SUMF1: variants seen among roughly 807,000 people sequenced by gnomAD.
SUMF1 encodes the protein formylglycine-generating enzyme.
SUMF1 carries 48 observed loss-of-function variants against 47.6 expected under a neutral mutation model. The observed-to-expected ratio is 1.01, with a 90% CI of 0.80 to 1.28. The LOEUF (loss-of-function observed/expected upper bound fraction) is 1.28. Among genes scored for constraint, SUMF1 ranks in the 50% most tolerant of loss-of-function variants. SUMF1 has a pLI of 0.00. For synonymous variants in SUMF1, 230 were observed against 192.1 expected (o/e 1.20, Z -1.63); for missense variants, 571 against 485.4 (o/e 1.18, Z -1.66).
At chr3:4,194,539 G>A (rs1430439092) in intron 8 of SUMF1, among the ~76,000 whole-genome samples, 2 of 152,146 alleles carry the variant, frequency 1.3e-5, no homozygotes, top group Non-Finnish European at 2.9e-5. Flanking sequence ...TACAGATATG[G>A]ATAAGGCTTT....
intron 8 of SUMF1, among the ~76,000 whole-genome samples, chr3:4,321,697 C>G (rs1477995637): frequency 1.3e-5 from 2 of 152,060 alleles, no homozygotes; most frequent in African/African-American, 4.8e-5. Context: ...AAAGACAAAT[C>G]TAACTTTGCA....
At chr3:4,298,881 C>G (rs1697910588) in intron 8 of SUMF1, among the ~76,000 whole-genome samples, 2 of 152,308 alleles carry the variant, frequency 1.3e-5, no homozygotes, top group South Asian at 4.1e-4. Flanking sequence ...TCCAGCCAAT[C>G]TGAAATTACT....
chr3:4,358,489 G>A (rs918578261), downstream of SUMF1, among the ~76,000 whole-genome samples: 7 of 152,198 alleles, frequency 4.6e-5, no homozygotes, highest in Admixed American at 6.5e-5. Flanking sequence ...ACAGAGAATG[G>A]AGGACAGTAG....
At chr3:4,101,284 A>G (rs1693026828) in intron 8 of SUMF1, among the ~76,000 whole-genome samples, 1 of 152,176 alleles carries the variant, frequency 6.6e-6, no homozygotes, top group Non-Finnish European at 1.5e-5. Flanking sequence ...TGTGGTATAT[A>G]CACACAATGG....
intron 8 of SUMF1, among the ~76,000 whole-genome samples, chr3:4,215,040 C>A (rs1287618243): frequency 6.6e-6 from 1 of 152,150 alleles, no homozygotes; most frequent in African/African-American, 2.4e-5. Context: ...CTCCCTAACT[C>A]ATTTTATGAG....
chr3:4,093,384 A>G (rs1692830287), intron 8 of SUMF1, among the ~76,000 whole-genome samples: 1 of 152,116 alleles, frequency 6.6e-6, no homozygotes, highest in Non-Finnish European at 1.5e-5. Context: ...CTGAAGACCA[A>G]CTGACAAATC....
intron 6 of SUMF1, among the ~76,000 whole-genome samples, chr3:4,416,216 G>T (rs1254414591): frequency 2.6e-5 from 4 of 151,894 alleles, no homozygotes; most frequent in Non-Finnish European, 5.9e-5. Context: ...TCTAGACTTT[G>T]AATTATTTCA....
intron 8 of SUMF1, among the ~76,000 whole-genome samples, chr3:4,082,452 G>C (rs1301471679): frequency 2.0e-5 from 3 of 152,036 alleles, no homozygotes; most frequent in African/African-American, 7.2e-5. Flanking sequence ...CTGGGCAACA[G>C]AGTGAGACCC....
At chr3:4,064,263 G>A (rs1695331734) in intron 9 of SUMF1, among the ~76,000 whole-genome samples, 1 of 109,868 alleles carries the variant, frequency 9.1e-6, no homozygotes, top group Non-Finnish European at 2.2e-5. Context: ...TGGCAATGAA[G>A]TGACCACTGA....
At chr3:4,375,284 A>T (rs1700293192) in intron 8 of SUMF1, among the ~76,000 whole-genome samples, 1 of 152,222 alleles carries the variant, frequency 6.6e-6, no homozygotes, top group African/African-American at 2.4e-5. Context: ...TACAGAAGAT[A>T]CACATACATA....
At chr3:4,279,743 G>A (rs1233863820) in intron 8 of SUMF1, among the ~76,000 whole-genome samples, 1 of 152,110 alleles carries the variant, frequency 6.6e-6, no homozygotes, top group Admixed American at 6.6e-5. Context: ...CAGCAGGCTG[G>A]AAGATAATTT....
At chr3:4,422,507 A>C (rs77883867) in intron 3 of SUMF1, among the ~76,000 whole-genome samples, 1 of 151,984 alleles carries the variant, frequency 6.6e-6, no homozygotes, top group Non-Finnish European at 1.5e-5. Flanking sequence ...AAAAAAAAAA[A>C]CATGATTTGT....
rs574872207 is a variant in SUMF1 at position 4,339,814 on chromosome 3, C to T, written c.1014+36516G>A. Among the ~76,000 whole-genome samples the T allele has an allele frequency of 9.7e-4, 148 of 152,298 alleles. 1 individual carries two copies. Among genetic ancestry groups the T allele is most frequent in the African/African-American group, 3.3e-3 (139 of 41,566 alleles). On this transcript the variant is annotated intron_variant and NMD_transcript_variant, in intron 8 of 12. Coordinates refer to the SUMF1 transcript ENST00000448413. ...TGACTGGGCCAGGCATGGTGGCTCA[C>T]GCCTGTAATCCTAACACTTTGGGAG... is the stretch of plus-strand genomic sequence containing the variant.
intron 8 of SUMF1, among the ~76,000 whole-genome samples, chr3:4,234,568 C>G (rs1355559663): frequency 6.6e-6 from 1 of 152,018 alleles, no homozygotes; most frequent in East Asian, 1.9e-4. Flanking sequence ...AACTCACAGC[C>G]TAGTAGGATC....
intron 1 of SUMF1, among the ~76,000 whole-genome samples, chr3:4,459,627 A>G (rs2079757761): frequency 6.6e-6 from 1 of 152,266 alleles, no homozygotes; most frequent in Non-Finnish European, 1.5e-5. Flanking sequence ...TGTCTAATGT[A>G]TTACTACTAT....
chr3:4,308,303 G>C (rs1698271307), intron 8 of SUMF1, among the ~76,000 whole-genome samples: 1 of 152,144 alleles, frequency 6.6e-6, no homozygotes, highest in Non-Finnish European at 1.5e-5. Context: ...TGCACTACCT[G>C]CAAAATTTTT....
At chr3:4,311,588 A>G (rs1008272623) in intron 8 of SUMF1, among the ~76,000 whole-genome samples, 11 of 152,242 alleles carry the variant, frequency 7.2e-5, no homozygotes, top group Non-Finnish European at 1.0e-4. Context: ...ACTTCTGAAC[A>G]ATGAGATTAT....
chr3:4,232,809 A>G (rs1696330621), intron 8 of SUMF1, among the ~76,000 whole-genome samples: 1 of 152,092 alleles, frequency 6.6e-6, no homozygotes, highest in South Asian at 2.1e-4. Context: ...GTGCGTTAAG[A>G]AAGAATGGGA....
At chr3:4,127,807 G>T (rs1050987625) in intron 8 of SUMF1, among the ~76,000 whole-genome samples, 2 of 152,022 alleles carry the variant, frequency 1.3e-5, no homozygotes, top group African/African-American at 2.4e-5. Context: ...ATTGGTTTTG[G>T]GGTTTCTGGA....
Sources: allele counts gnomAD v4.1 joint callset (sites outside exome capture counted in the v4.1 genomes callset), GRCh38; gene constraint gnomAD v4.1.1; transcripts MANE v1.5; gene names NCBI Gene and HGNC (gene_info 2026-07-23, HGNC 2026-07-21).